REV3L: variants seen among roughly 807,000 people sequenced by gnomAD.
REV3L encodes REV3 like, DNA directed polymerase zeta catalytic subunit.
Under a neutral mutation model 299.4 loss-of-function variants are expected in REV3L, and 69 were observed. The observed-to-expected ratio is 0.23, with a 90% CI of 0.19 to 0.28. The LOEUF (loss-of-function observed/expected upper bound fraction) is 0.28. REV3L is among the 10% of genes least tolerant of loss of function. The pLI is 1.00. For missense variants in REV3L, 3,128 were observed against 3,693.8 expected, an observed-to-expected ratio of 0.85 and a Z score of 3.97; for synonymous variants, 1,238 against 1,271.4, an observed-to-expected ratio of 0.97 and a Z score of 0.56.
At chr6:111,331,628 CA>C in intron 24 of REV3L, 47 bp downstream of exon 24, 2 of 1,335,880 alleles carry the variant, frequency 1.5e-6, no homozygotes, top group South Asian at 2.6e-5. Context: ...ATCAGCTCTC[CA>C]AAAGTTAAGC....
At chr6:111,453,041 CAAT>C (rs1424330416) in intron 1 of REV3L, among the ~76,000 whole-genome samples, 2 of 151,926 alleles carry the variant, frequency 1.3e-5, no homozygotes, top group African/African-American at 4.8e-5. Context: ...TTTAACCATT[CAAT>C]AATAAGAACA....
chr6:111,318,836 C>T (rs925576110), intron 26 of REV3L, among the ~76,000 whole-genome samples: 7 of 152,026 alleles, frequency 4.6e-5, no homozygotes, highest in African/African-American at 1.7e-4. Context: ...GGATTACAGG[C>T]ATGAGCCACC....
chr6:111,434,654 T>C (rs985663177), intron 1 of REV3L, among the ~76,000 whole-genome samples: 14 of 149,432 alleles, frequency 9.4e-5, no homozygotes, highest in African/African-American at 3.4e-4. Flanking sequence ...TCCAGTAAAG[T>C]TGTAGGATAC....
chr6:111,354,414 A>C (rs1265294250), intron 18 of REV3L, among the ~76,000 whole-genome samples: 3 of 152,198 alleles, frequency 2.0e-5, no homozygotes, highest in Non-Finnish European at 4.4e-5. Context: ...GCTACAGCTC[A>C]GAAATGACTG....
rs763796568 is a variant in REV3L at position 111,380,151 on chromosome 6, C to T, written c.1285G>A (p.Glu429Lys). The change falls in exon 11 of 32, where the codon GAA becomes AAA. Residue 429 changes from glutamate to lysine, a missense_variant. By Grantham distance (56) the Glu-to-Lys change is moderately conservative. Transcript: ENST00000368802. Reference protein sequence around the residue: ...AGLESDGYRGERNRMPSPCRS... With the variant: ...AGLESDGYRGKRNRMPSPCRS... ...CATGGTGATGGCATCCTATTTCTTT[C>T]CCCCCGATATCCATCACTTTCCAAA... 1.2e-5 allele frequency: 20 copies of T among 1,613,684 alleles called. No homozygotes were observed. Among genetic ancestry groups the T allele is most frequent in the Admixed American group, 5.0e-5 (3 of 59,992 alleles).
intron 1 of REV3L, among the ~76,000 whole-genome samples, chr6:111,450,728 A>G (rs905738375): frequency 6.6e-6 from 1 of 152,292 alleles, no homozygotes. Context: ...TTGGATAATT[A>G]AAGAAAAAAA....
At chr6:111,319,706 T>G (rs1344533110) in intron 26 of REV3L, among the ~76,000 whole-genome samples, 7 of 152,196 alleles carry the variant, frequency 4.6e-5, no homozygotes, top group Non-Finnish European at 1.5e-5. Flanking sequence ...TCAGATTTCC[T>G]TCATTTTGAT....
At chr6:111,404,429 CACA>C (rs1783411225) in intron 4 of REV3L, among the ~76,000 whole-genome samples, 1 of 152,206 alleles carries the variant, frequency 6.6e-6, no homozygotes, top group African/African-American at 2.4e-5. Flanking sequence ...TGCCTGCTAA[CACA>C]ACATCCGTTC....
intron 1 of REV3L, chr6:111,431,151 CA>C: frequency 2.6e-6 from 4 of 1,540,086 alleles, no homozygotes; most frequent in Non-Finnish European, 3.6e-6. Flanking sequence ...CAAGCGATCT[CA>C]GCAGCCATGA....
Position 111,318,378 on chromosome 6 carries a change from C to T in REV3L, c.8352-2997G>A, listed in dbSNP as rs954214457. Among the ~76,000 whole-genome samples, 7 of 151,972 alleles carry T rather than the reference C, an allele frequency of 4.6e-5. No individual in the cohort carries two copies. The East Asian group carries it at 1.2e-3, about 25-fold the overall frequency. Reference sequence around the variant, plus strand: ...TTAGCCAGGATGGTCTCCATCTGCCCGCCTGAACCTCCCAAAGTGCTAGGA... The same window carrying T: ...TTAGCCAGGATGGTCTCCATCTGCCTGCCTGAACCTCCCAAAGTGCTAGGA... On this transcript the variant is annotated intron_variant, in intron 26 of 31. Transcript: ENST00000368802.
In REV3L at chr6:111,363,472, ATTTTAT is replaced by A. The variant is rs545017427; in HGVS notation, c.6879+375_6879+380del. The stretch of plus-strand genomic sequence containing the variant: ...AGGTGCGCGCCACCATGCTCATCTA[ATTTTAT>A]TTTTATTTTTTGGTAGAGACAGGGT... On this transcript the variant is annotated intron_variant, in intron 16 of 31. Coordinates refer to ENST00000368802, the MANE Select transcript of REV3L (RefSeq NM_001372078.1). 9.9e-5 allele frequency among the ~76,000 whole-genome samples: 15 copies of A among 151,998 alleles called. No homozygotes were observed. In the South Asian group the frequency reaches 3.1e-3, roughly 32 times the overall value.
intron 21 of REV3L, among the ~76,000 whole-genome samples, chr6:111,339,736 A>C (rs947085012): frequency 9.2e-5 from 14 of 152,330 alleles, no homozygotes; most frequent in Admixed American, 5.9e-4. Context: ...AATGTATTTT[A>C]GACTTTTTAA....
rs373499101 is a variant in REV3L, at chr6:111,428,020, G to GAAA, written c.140-11551_140-11549dup. Reference sequence around the variant, plus strand: ...GGAGGCAGCAACCTAGCAGATTTAAGAAAAAAAAAAAAAGAAAGAAAATTA... The same window carrying GAAA: ...GGAGGCAGCAACCTAGCAGATTTAAGAAAAAAAAAAAAAAAAGAAAGAAAATTA... On this transcript the variant is annotated intron_variant, in intron 1 of 31. Transcript: ENST00000368802. Among the ~76,000 whole-genome samples the GAAA allele has an allele frequency of 8.7e-4, 103 of 117,836 alleles. No individual in the cohort carries two copies. In the East Asian group the frequency reaches 0.021, roughly 24 times the overall value. The allele number at this position is 117,836 out of a possible 152,430, so 77.3% of individuals were successfully genotyped here.
chr6:111,435,170 A>C (rs1787405986), intron 1 of REV3L, among the ~76,000 whole-genome samples: 1 of 152,210 alleles, frequency 6.6e-6, no homozygotes, highest in Non-Finnish European at 1.5e-5. Flanking sequence ...TAATTGCACC[A>C]CTGTACTCCA....
chr6:111,442,280 TTA>T (rs544634212), intron 1 of REV3L, among the ~76,000 whole-genome samples: 438 of 152,332 alleles, frequency 2.9e-3, no homozygotes, highest in Admixed American at 4.4e-3. Flanking sequence ...AACACTGGCT[TTA>T]TCTTTTTCTC....
At chr6:111,316,426 G>T (rs1295710357) in intron 26 of REV3L, among the ~76,000 whole-genome samples, 1 of 151,988 alleles carries the variant, frequency 6.6e-6, no homozygotes, top group Non-Finnish European at 1.5e-5. Flanking sequence ...CACTTTGGGA[G>T]GCTGAGGCGG....
chr6:111,448,542 C>G (rs1291158452), intron 1 of REV3L, among the ~76,000 whole-genome samples: 4 of 152,030 alleles, frequency 2.6e-5, no homozygotes, highest in Non-Finnish European at 5.9e-5. Flanking sequence ...CCAGGCTGGT[C>G]TTGAAATTCT....
At chr6:111,420,768 C>T (rs1785249389) in intron 1 of REV3L, among the ~76,000 whole-genome samples, 1 of 152,214 alleles carries the variant, frequency 6.6e-6, no homozygotes, top group African/African-American at 2.4e-5. Context: ...AAGTACATAA[C>T]AAAAGGCAGA....
intron 1 of REV3L, among the ~76,000 whole-genome samples, chr6:111,482,525 C>G (rs977111975): frequency 2.6e-5 from 4 of 151,822 alleles, no homozygotes; most frequent in African/African-American, 7.3e-5. Flanking sequence ...TCGCCACCTC[C>G]CTGCCCGGGG....
Sources: gnomAD v4.1 joint callset for allele counts (sites outside exome capture counted in the v4.1 genomes callset) on GRCh38, gnomAD v4.1.1 for gene constraint, MANE v1.5 for transcripts, NCBI Gene and HGNC (gene_info 2026-07-23, HGNC 2026-07-21) for gene names.